GRIK2: variants seen among roughly 807,000 people sequenced by gnomAD.
GRIK2 encodes the protein glutamate receptor ionotropic, kainate 2.
A neutral mutation model predicts 100.3 loss-of-function variants in GRIK2; 32 were observed. That is an observed-to-expected ratio of 0.32 (90% CI 0.24 to 0.43). The LOEUF is 0.43. GRIK2 is among the 20% of genes least tolerant of loss of function. GRIK2 has a pLI of 1.00. For synonymous variants in GRIK2, 417 were observed against 389.4 expected (o/e 1.07, Z -0.83); for missense variants, 843 against 1,114.9 (o/e 0.76, Z 3.47).
chr6:101,880,262 G>T (rs919821616), intron 11 of GRIK2, among the ~76,000 whole-genome samples: 5 of 152,010 alleles, frequency 3.3e-5, no homozygotes, highest in Non-Finnish European at 7.4e-5. Flanking sequence ...CATTGTGGCT[G>T]CTAATTGGAC....
intron 5 of GRIK2, among the ~76,000 whole-genome samples, chr6:101,677,479 A>C (rs1420158624): frequency 6.6e-6 from 1 of 152,164 alleles, no homozygotes; most frequent in African/African-American, 2.4e-5. Context: ...TGTAGCTGTG[A>C]AATCTTTTAG....
At chr6:101,715,279 G>A (rs1773985629) in intron 7 of GRIK2, among the ~76,000 whole-genome samples, 1 of 151,696 alleles carries the variant, frequency 6.6e-6, no homozygotes, top group South Asian at 2.1e-4. Context: ...CAGTCCTGAA[G>A]ACAAATAATG....
chr6:101,793,239 T>C (rs1032818213), intron 7 of GRIK2, among the ~76,000 whole-genome samples: 2 of 152,244 alleles, frequency 1.3e-5, no homozygotes, highest in African/African-American at 2.4e-5. Flanking sequence ...AGCTTTGTTC[T>C]GTTGCTGGTG....
At chr6:101,614,081 G>A (rs1779795989) in intron 2 of GRIK2, among the ~76,000 whole-genome samples, 3 of 151,646 alleles carry the variant, frequency 2.0e-5, no homozygotes, top group Admixed American at 6.6e-5. Flanking sequence ...GGCAATCTAT[G>A]TATCTGAATG....
chr6:101,413,276 G>A (rs1775966200), intron 2 of GRIK2, among the ~76,000 whole-genome samples: 2 of 151,912 alleles, frequency 1.3e-5, no homozygotes, highest in Admixed American at 6.6e-5. Context: ...CTCTCTTTGT[G>A]TGTTGGGGGT....
At chr6:101,912,264 G>A (rs1284743742) in intron 12 of GRIK2, among the ~76,000 whole-genome samples, 1 of 151,306 alleles carries the variant, frequency 6.6e-6, no homozygotes, top group Non-Finnish European at 1.5e-5. Flanking sequence ...AATAGAACAA[G>A]TAATCAGAGG....
intron 14 of GRIK2, among the ~76,000 whole-genome samples, chr6:102,014,817 G>T (rs58289616): frequency 0.11 from 16,648 of 152,026 alleles, 2,537 homozygotes; most frequent in African/African-American, 0.34. Context: ...ATGACAGGGG[G>T]TTCTTTTGCA....
chr6:101,873,743 C>G (rs1335835136), intron 11 of GRIK2, among the ~76,000 whole-genome samples: 1 of 151,924 alleles, frequency 6.6e-6, no homozygotes, highest in Non-Finnish European at 1.5e-5. Context: ...TTCTCCACAT[C>G]CTCTCCAGCA....
intron 14 of GRIK2, among the ~76,000 whole-genome samples, chr6:101,959,648 T>C (rs555162249): frequency 6.4e-4 from 97 of 152,258 alleles, no homozygotes; most frequent in African/African-American, 2.2e-3. Context: ...GCTCTTGAAT[T>C]TCTATTCCCT....
At chr6:101,827,462 AT>A (rs1347776588) in intron 10 of GRIK2, among the ~76,000 whole-genome samples, 1 of 149,898 alleles carries the variant, frequency 6.7e-6, no homozygotes, top group African/African-American at 2.5e-5. Flanking sequence ...ATAGCCCCAC[AT>A]TGGATTAAAA....
intron 7 of GRIK2, among the ~76,000 whole-genome samples, chr6:101,791,828 T>A (rs1036382889): frequency 9.9e-5 from 15 of 151,614 alleles, no homozygotes; most frequent in African/African-American, 3.7e-4. Context: ...CCCATTATTA[T>A]TGTGTGGGAG....
chr6:101,666,660 C>A (rs1770054780), intron 4 of GRIK2, among the ~76,000 whole-genome samples: 2 of 152,158 alleles, frequency 1.3e-5, no homozygotes, highest in African/African-American at 2.4e-5. Context: ...TACACAGATG[C>A]CAAATAGAAA....
chr6:101,816,419 C>T (rs536861045), intron 9 of GRIK2, among the ~76,000 whole-genome samples: 11 of 152,148 alleles, frequency 7.2e-5, no homozygotes, highest in Non-Finnish European at 1.3e-4. Flanking sequence ...CAGTGGCTCA[C>T]GCCTGTAATC....
Position 101,616,969 on chromosome 6 carries a change from A to G in GRIK2, c.116-4980A>G, listed in dbSNP as rs545193427. ...TCAGTAGCTAGTTTTTTTATTGAAT[A>G]TATTATTTTCTTGTAAAATGTATTA... is the stretch of plus-strand genomic sequence containing the variant. On this transcript the variant is annotated intron_variant, in intron 2 of 16. Transcript: ENST00000369134. 1.3e-3 allele frequency among the ~76,000 whole-genome samples: 196 copies of G among 151,544 alleles called. 1 individual carries two copies. The highest frequency in any genetic ancestry group is 4.7e-3 in the African/African-American group (194 of 41,448).
intron 10 of GRIK2, among the ~76,000 whole-genome samples, chr6:101,843,997 C>T (rs539358059): frequency 1.8e-4 from 28 of 152,024 alleles, no homozygotes; most frequent in African/African-American, 6.8e-4. Flanking sequence ...CATAGAACAA[C>T]ACCTGGAACA....
intron 14 of GRIK2, among the ~76,000 whole-genome samples, chr6:102,017,245 A>T (rs2114345860): frequency 6.6e-6 from 1 of 152,188 alleles, no homozygotes; most frequent in East Asian, 1.9e-4. Flanking sequence ...TAAAACCACC[A>T]CACAAGCAAG....
chr6:101,538,350 C>A (rs1014991623), intron 2 of GRIK2, among the ~76,000 whole-genome samples: 1 of 151,648 alleles, frequency 6.6e-6, no homozygotes, highest in Non-Finnish European at 1.5e-5. Flanking sequence ...TTTGATAATA[C>A]TAGAGAACAC....
intron 12 of GRIK2, among the ~76,000 whole-genome samples, chr6:101,898,570 C>T (rs1787632494): frequency 6.6e-6 from 1 of 151,830 alleles, no homozygotes; most frequent in African/African-American, 2.4e-5. Context: ...ATCAACTGGG[C>T]ACCTAGACAG....
At chr6:101,556,306 T>C (rs11156141) in intron 2 of GRIK2, among the ~76,000 whole-genome samples, 13,815 of 146,382 alleles carry the variant, frequency 0.094, 945 homozygotes, top group East Asian at 0.3. Context: ...AATTGCACTA[T>C]GTAATATATT....
Sources: gnomAD v4.1 joint callset for allele counts (sites outside exome capture counted in the v4.1 genomes callset) on GRCh38, gnomAD v4.1.1 for gene constraint, MANE v1.5 for transcripts, NCBI Gene and HGNC (gene_info 2026-07-23, HGNC 2026-07-21) for gene names.